The following EPHA6 variants were observed in gnomAD, a reference collection of about 807,000 sequenced individuals.
EPHA6 encodes EPH receptor A6.
In EPHA6, 50 loss-of-function variants were observed where a neutral mutation model predicts 112.0. That is an observed-to-expected ratio of 0.45 (90% CI 0.36 to 0.56). The LOEUF is 0.56. Ranked by LOEUF, EPHA6 falls within the 20% of genes least tolerant of loss-of-function variation. The probability of loss-of-function intolerance (pLI) is 0.00; values close to 1 mark genes in which losing one functional copy is unlikely to be tolerated. For synonymous variants in EPHA6, 529 were observed against 490.7 expected (o/e 1.08, Z -1.03); for missense variants, 1,280 against 1,417.4 (o/e 0.90, Z 1.56).
chr3:97,439,583 A>G, intron 6 of EPHA6: 1 of 1,001,544 alleles, frequency 1.0e-6, no homozygotes. Context: ...CTACTATTTA[A>G]TGTTGTCACA....
intron 3 of EPHA6, among the ~76,000 whole-genome samples, chr3:97,181,395 G>T (rs572041005): frequency 6.6e-6 from 1 of 151,968 alleles, no homozygotes; most frequent in Non-Finnish European, 1.5e-5. Flanking sequence ...TGTTATCTTG[G>T]TGTTCTCATT....
chr3:97,053,422 A>G (rs550491032), intron 3 of EPHA6, among the ~76,000 whole-genome samples: 1 of 152,260 alleles, frequency 6.6e-6, no homozygotes, highest in Admixed American at 6.5e-5. Flanking sequence ...AAAGAATTAA[A>G]GGAAAGTATA....
intron 1 of EPHA6, among the ~76,000 whole-genome samples, chr3:96,826,872 C>T (rs980025670): frequency 4.6e-5 from 7 of 152,050 alleles, no homozygotes; most frequent in South Asian, 2.1e-4. Context: ...ATAAAATACC[C>T]ATTTACCAAC....
intron 5 of EPHA6, among the ~76,000 whole-genome samples, chr3:97,311,632 T>C (rs1476176585): frequency 6.6e-6 from 1 of 151,792 alleles, no homozygotes; most frequent in East Asian, 1.9e-4. Context: ...TCTATTGTAT[T>C]CCATTGATTC....
At position 97,638,099 on chromosome 3, in the gene EPHA6, T is replaced by C. The variant is rs2093965683; in HGVS notation, c.2784+17T>C. 1.9e-6 allele frequency: 3 copies of C among 1,565,038 alleles called. No homozygotes were observed. Among genetic ancestry groups the C allele is most frequent in the Non-Finnish European group, 2.6e-6 (3 of 1,138,148 alleles). On this transcript the variant is annotated intron_variant, in intron 14 of 17. Transcript: ENST00000389672. ...ACAACAACTGTAAGTTTATATGCCC[T>C]TTCCTAATATAGTCTGTTTACTTTT...
chr3:97,386,004 C>T (rs978750947), intron 5 of EPHA6, among the ~76,000 whole-genome samples: 4 of 152,122 alleles, frequency 2.6e-5, no homozygotes, highest in South Asian at 2.1e-4. Flanking sequence ...AGGCAAATCA[C>T]GTCATTCCAC....
chr3:97,499,917 A>G (rs1487818082), intron 10 of EPHA6, among the ~76,000 whole-genome samples: 1 of 152,004 alleles, frequency 6.6e-6, no homozygotes, highest in East Asian at 1.9e-4. Context: ...AATGTATAAA[A>G]TACAAATATT....
chr3:97,632,877 A>T (rs2093915397), intron 13 of EPHA6, among the ~76,000 whole-genome samples: 1 of 152,082 alleles, frequency 6.6e-6, no homozygotes, highest in Admixed American at 6.6e-5. Context: ...TCACAGGGTA[A>T]GATTTGTGTT....
intron 2 of EPHA6, among the ~76,000 whole-genome samples, chr3:96,945,141 AT>A: frequency 6.6e-6 from 1 of 152,316 alleles, no homozygotes; most frequent in East Asian, 1.9e-4. Context: ...TCTTAAAAAT[AT>A]ATCCAGAATT....
At chr3:97,722,043 A>G (rs1351859327) in intron 15 of EPHA6, among the ~76,000 whole-genome samples, 1 of 152,186 alleles carries the variant, frequency 6.6e-6, no homozygotes, top group Non-Finnish European at 1.5e-5. Flanking sequence ...TGCCCAGAAT[A>G]AAAAGTCCTT....
chr3:97,044,188 T>C (rs2045423715), intron 3 of EPHA6, among the ~76,000 whole-genome samples: 1 of 152,220 alleles, frequency 6.6e-6, no homozygotes, highest in Non-Finnish European at 1.5e-5. Flanking sequence ...TTATAATCTA[T>C]TTTTGCAGAA....
chr3:97,702,832 G>T (rs1229482404), intron 14 of EPHA6, among the ~76,000 whole-genome samples: 1 of 151,944 alleles, frequency 6.6e-6, no homozygotes, highest in Non-Finnish European at 1.5e-5. Context: ...AAATGTCTAG[G>T]ATGTTATCTT....
intron 3 of EPHA6, among the ~76,000 whole-genome samples, chr3:97,053,161 A>G (rs541820416): frequency 6.6e-6 from 1 of 152,280 alleles, no homozygotes; most frequent in South Asian, 2.1e-4. Context: ...AAGGTATTTT[A>G]TCATGGAGCC....
chr3:97,231,133 G>T (rs1446216488), intron 4 of EPHA6, among the ~76,000 whole-genome samples: 1 of 152,064 alleles, frequency 6.6e-6, no homozygotes, highest in Non-Finnish European at 1.5e-5. Context: ...ACATATTCTG[G>T]TCTCCTCCAG....
chr3:97,455,207 T>G (rs542589528), intron 7 of EPHA6, among the ~76,000 whole-genome samples: 1 of 152,150 alleles, frequency 6.6e-6, no homozygotes, highest in East Asian at 1.9e-4. Context: ...GTGATACAAG[T>G]TTAACGTAAG....
At position 96,814,661 on chromosome 3, in the gene EPHA6, C is replaced by G. The variant is rs1163351692; in HGVS notation, c.38C>G (p.Pro13Arg). ...FPSPPAARSS[P>R]APQAASSSEA... ...TCGCCTCCAGCCGCGAGGAGCTCCCCGGCGCCGCAGGCAGCGTCCTCCTCC... is the reference window on the plus strand; with the variant it reads ...TCGCCTCCAGCCGCGAGGAGCTCCCGGGCGCCGCAGGCAGCGTCCTCCTCC... Residue 13 changes from proline (P) to arginine (R), a missense_variant, in exon 1 of 18, where the codon CCG becomes CGG. Physicochemically the swap from Pro to Arg is moderately radical, Grantham distance 103. Coordinates refer to ENST00000389672, the MANE Select transcript of EPHA6 (RefSeq NM_001080448.3). 6.8e-6 allele frequency: 10 copies of G among 1,479,932 alleles called. No individual in the cohort carries two copies. Among genetic ancestry groups the G allele is most frequent in the East Asian group, 2.3e-5 (1 of 42,616 alleles). The allele number at this position is 1,479,932 out of a possible 1,614,324, so 91.7% of individuals were successfully genotyped here. A position where few individuals can be genotyped will look rare whatever the true frequency, so the allele number is the denominator to read the frequency against.
intron 5 of EPHA6, among the ~76,000 whole-genome samples, chr3:97,319,822 G>A (rs1345278311): frequency 6.6e-6 from 1 of 151,614 alleles, no homozygotes; most frequent in African/African-American, 2.4e-5. Flanking sequence ...ATATCTTTTA[G>A]GTAAAATTAA....
intron 14 of EPHA6, among the ~76,000 whole-genome samples, chr3:97,667,599 G>A (rs1450852213): frequency 6.6e-6 from 1 of 152,020 alleles, no homozygotes; most frequent in Non-Finnish European, 1.5e-5. Context: ...TTAAACTGTA[G>A]AAAAATAAAT....
At chr3:97,167,999 A>G (rs2076583244) in intron 3 of EPHA6, among the ~76,000 whole-genome samples, 1 of 152,026 alleles carries the variant, frequency 6.6e-6, no homozygotes, top group African/African-American at 2.4e-5. Flanking sequence ...ACTATTAAAG[A>G]TTTCAATATA....
Sources: allele counts gnomAD v4.1 joint callset (sites outside exome capture counted in the v4.1 genomes callset), GRCh38; gene constraint gnomAD v4.1.1; transcripts MANE v1.5; gene names NCBI Gene and HGNC (gene_info 2026-07-23, HGNC 2026-07-21).